The following ARID1A variants were observed in gnomAD, a reference collection of about 807,000 sequenced individuals.
The protein encoded by ARID1A is AT-rich interaction domain 1A.
Under a neutral mutation model 212.6 loss-of-function variants are expected in ARID1A, and 20 were observed. That is an observed-to-expected ratio of 0.09 (90% confidence interval 0.07 to 0.14). The LOEUF (loss-of-function observed/expected upper bound fraction) is 0.14. Among genes scored for constraint, ARID1A ranks in the 10% least tolerant of loss-of-function variants. The pLI, the probability that ARID1A is intolerant of heterozygous loss-of-function variation, is 1.00. For missense variants in ARID1A, 2,587 were observed against 3,059.0 expected (o/e 0.85, Z 3.64); for synonymous variants, 1,376 against 1,222.1 (o/e 1.13, Z -2.63).
intron 1 of ARID1A, among the ~76,000 whole-genome samples, chr1:26,725,017 G>T (rs74589339): frequency 6.6e-6 from 1 of 152,022 alleles, no homozygotes; most frequent in Non-Finnish European, 1.5e-5. Flanking sequence ...GAATGCAGGA[G>T]AGTATATAGC....
At chr1:26,716,689 G>A (rs944851663) in intron 1 of ARID1A, among the ~76,000 whole-genome samples, 34 of 152,198 alleles carry the variant, frequency 2.2e-4, no homozygotes, top group Admixed American at 1.7e-3. Flanking sequence ...GAGGTGCAGT[G>A]GTCTCAGCTC....
intron 1 of ARID1A, among the ~76,000 whole-genome samples, chr1:26,713,062 C>T (rs1307931990): frequency 6.6e-6 from 1 of 152,194 alleles, no homozygotes; most frequent in Non-Finnish European, 1.5e-5. Context: ...GCAGTGGTTT[C>T]CAGGAGGAGA....
chr1:26,769,560 A>C (rs1446285268), intron 11 of ARID1A: 2 of 152,278 alleles, frequency 1.3e-5, no homozygotes, highest in Non-Finnish European at 2.9e-5. Context: ...GACTTAGCTC[A>C]GGTGTTACCC....
rs140978841 is a variant in ARID1A, at chr1:26,775,006, G to T, written c.4779G>T (p.Arg1593=). The stretch of plus-strand genomic sequence containing the variant: ...TATCCAGCCCTGCTCCCCTGCCCCG[G>T]CCAATGGAGAACCGCACCTCTCCTA... ...PQVSSPAPLP[R]PMENRTSPSK... Residue 1593 remains arginine (R), a synonymous_variant, in exon 18 of 20, where the codon CGG becomes CGT. Coordinates refer to ENST00000324856, the MANE Select transcript of ARID1A (RefSeq NM_006015.6). The T allele has an allele frequency of 2.9e-4, 457 of 1,576,508 alleles. 1 individual carries two copies. The highest frequency in any genetic ancestry group is 2.0e-3 in the Middle Eastern group (12 of 5,862).
At chr1:26,709,172 A>G (rs2080424705) in intron 1 of ARID1A, among the ~76,000 whole-genome samples, 1 of 152,200 alleles carries the variant, frequency 6.6e-6, no homozygotes, top group East Asian at 1.9e-4. Context: ...GAGGAAAAAT[A>G]TCTACCTTGA....
chr1:26,778,945 G>A (rs2124135829), intron 19 of ARID1A, 78 bp from the exon 20 acceptor site: 1 of 1,384,836 alleles, frequency 7.2e-7, no homozygotes. Flanking sequence ...GAAGACTTGG[G>A]GAGGTCTCTC....
chr1:26,733,109 C>A (rs575994702), intron 4 of ARID1A, among the ~76,000 whole-genome samples: 4 of 152,266 alleles, frequency 2.6e-5, no homozygotes, highest in African/African-American at 9.6e-5. Flanking sequence ...ATATCAGTTT[C>A]TTGACTTTAC....
At chr1:26,767,328 C>T (rs2081048115) in intron 10 of ARID1A, among the ~76,000 whole-genome samples, 1 of 152,138 alleles carries the variant, frequency 6.6e-6, no homozygotes, top group Non-Finnish European at 1.5e-5. Flanking sequence ...CATCCCATTG[C>T]CTCAAGATCA....
rs1379814418 is a variant in ARID1A, at chr1:26,697,104, C to T, written c.701C>T (p.Pro234Leu). ...GCCCCGGCCTACGCGCTGAGCTCCCCGAGAGGTGGCACTCCGGGCTCCGGC... is the reference window on the plus strand; with the variant it reads ...GCCCCGGCCTACGCGCTGAGCTCCCTGAGAGGTGGCACTCCGGGCTCCGGC... Reference protein sequence around the residue: ...PPAPAYALSSPRGGTPGSGAA... With the variant: ...PPAPAYALSSLRGGTPGSGAA... Residue 234 changes from proline to leucine, a missense_variant, in exon 1 of 20, where the codon CCG (proline) becomes CTG (leucine). Pro to Leu is a moderately conservative substitution (Grantham distance 98). Around this residue, in one of 11 missense-constraint regions of ARID1A, gnomAD observed 735 missense variants for 590.6 expected, o/e 1.24. Transcript: ENST00000324856. 1 of 1,462,516 alleles carries T rather than the reference C, an allele frequency of 6.8e-7. No individual in the cohort carries two copies. The highest frequency in any genetic ancestry group is 9.0e-7 in the Non-Finnish European group (1 of 1,111,518). The allele number at this position is 1,462,516 out of a possible 1,614,324, so 90.6% of individuals were successfully genotyped here. A position where few individuals can be genotyped will look rare whatever the true frequency, so the allele number is the denominator to read the frequency against.
Position 26,696,665 on chromosome 1 carries a change from GCCGGCAGCGGCGGCGGGC to G in ARID1A, c.268_285del (p.Ser90_Gly95del), listed in dbSNP as rs1198497895. On this transcript the variant is annotated inframe_deletion, in exon 1 of 20. Transcript: ENST00000324856. ...CAATGGGGGTGGCGGCGGCGGCGGA[GCCGGCAGCGGCGGCGGGC>G]CCGGCGCGGAGCCGGACCTGAAGAA... The G allele has an allele frequency of 1.6e-5, 21 of 1,319,048 alleles. No homozygotes were observed. The highest frequency in any genetic ancestry group is 1.9e-5 in the Non-Finnish European group (20 of 1,036,776). 81.7% of individuals were successfully genotyped at this position (1,319,048 alleles called of 1,614,324 possible). A position where few individuals can be genotyped will look rare whatever the true frequency, so the allele number is the denominator to read the frequency against.
At chr1:26,735,919 A>G (rs1036885203) in intron 4 of ARID1A, among the ~76,000 whole-genome samples, 1 of 152,052 alleles carries the variant, frequency 6.6e-6, no homozygotes, top group Non-Finnish European at 1.5e-5. Context: ...CATCTTTCAG[A>G]CTATATCTTA....
chr1:26,714,903 A>G (rs1381178249), intron 1 of ARID1A, among the ~76,000 whole-genome samples: 1 of 152,204 alleles, frequency 6.6e-6, no homozygotes, highest in Non-Finnish European at 1.5e-5. Context: ...GTTTTTATCA[A>G]CATACAGTAC....
intron 4 of ARID1A, among the ~76,000 whole-genome samples, chr1:26,748,220 G>GTTGCTGTAATTCTGAGGGGCAACCAGGC (rs2080854851): frequency 6.6e-6 from 1 of 152,166 alleles, no homozygotes; most frequent in African/African-American, 2.4e-5. Flanking sequence ...TTGCTTTCTG[G>GTTGCTGTAATTCTGAGGGGCAACCAGGC]TTGCTGTAAT....
At chr1:26,766,834 C>G (rs545089922) in intron 10 of ARID1A, among the ~76,000 whole-genome samples, 193 of 152,330 alleles carry the variant, frequency 1.3e-3, no homozygotes, top group African/African-American at 4.0e-3. Flanking sequence ...GACACTGCAG[C>G]ATCAAACTCT....
intron 4 of ARID1A, among the ~76,000 whole-genome samples, chr1:26,751,064 G>C (rs375363322): frequency 2.0e-5 from 3 of 151,972 alleles, no homozygotes; most frequent in African/African-American, 7.3e-5. Context: ...AGACCAACCT[G>C]ATCAACATGG....
chr1:26,741,482 A>G (rs1484947569), intron 4 of ARID1A, among the ~76,000 whole-genome samples: 1 of 152,164 alleles, frequency 6.6e-6, no homozygotes, highest in Non-Finnish European at 1.5e-5. Context: ...AAAGACCCGC[A>G]TGTGTATAAG....
intron 1 of ARID1A, among the ~76,000 whole-genome samples, chr1:26,728,471 AATT>A (rs1002840270): frequency 6.6e-6 from 1 of 152,218 alleles, no homozygotes; most frequent in Admixed American, 6.5e-5. Flanking sequence ...ATAGCTTATT[AATT>A]ATTGAATAAT....
chr1:26,738,443 C>T (rs2080755430), intron 4 of ARID1A, among the ~76,000 whole-genome samples: 2 of 152,182 alleles, frequency 1.3e-5, no homozygotes, highest in South Asian at 2.1e-4. Context: ...GCCATAGTGC[C>T]TGGCATCTGG....
In ARID1A at chr1:26,697,302, C is replaced by G; in HGVS notation, c.899C>G (p.Thr300Arg). ...TATPTLNQLL[T>R]SPSSARGYQG... Reference sequence around the variant, plus strand: ...ACCCCCACCCTCAACCAACTGCTCACGTCGCCCAGCTCGGCCCGGGGCTAC... The same window carrying G: ...ACCCCCACCCTCAACCAACTGCTCAGGTCGCCCAGCTCGGCCCGGGGCTAC... Residue 300 changes from threonine (T) to arginine (R), a missense_variant, in exon 1 of 20, where the codon ACG (threonine) becomes AGG (arginine). Around this residue, in one of 11 missense-constraint regions of ARID1A, gnomAD observed 735 missense variants for 590.6 expected, o/e 1.24. Coordinates refer to ENST00000324856, the MANE Select transcript of ARID1A (RefSeq NM_006015.6). The G allele has an allele frequency of 7.4e-7, 1 of 1,352,436 alleles. No individual in the cohort carries two copies. The highest frequency in any genetic ancestry group is 9.4e-7 in the Non-Finnish European group (1 of 1,058,268). The allele number at this position is 1,352,436 out of a possible 1,614,324, so 83.8% of individuals were successfully genotyped here. A position where few individuals can be genotyped will look rare whatever the true frequency, so the allele number is the denominator to read the frequency against.
Sources: gnomAD v4.1 joint callset for allele counts (sites outside exome capture counted in the v4.1 genomes callset) on GRCh38, gnomAD v4.1.1 for gene constraint, gnomAD v4.1.1 regional missense constraint, MANE v1.5 for transcripts, NCBI Gene and HGNC (gene_info 2026-07-23, HGNC 2026-07-21) for gene names.